The following NCBP2L variants were observed in gnomAD, a reference collection of about 807,000 sequenced individuals.
The protein encoded by NCBP2L is nuclear cap binding protein subunit 2 like.
For missense variants in NCBP2L, 95 were observed against 53.1 expected (o/e 1.79, Z -2.45); for synonymous variants, 39 against 19.2 (o/e 2.04, Z -2.70).
chrX:107,781,692 C>CTCTCTCTCTCTATATATATATATATA (rs1395038482), intron 1 of NCBP2L, among the ~76,000 whole-genome samples: 1 of 66,919 alleles, frequency 1.5e-5, no homozygotes, highest in Non-Finnish European at 2.5e-5. Flanking sequence ...CTCTCTCTCT[C>CTCTCTCTCTCTATATATATATATATA]TATATATATA....
intron 1 of NCBP2L, among the ~76,000 whole-genome samples, chrX:107,783,379 T>A (rs1372984919): frequency 5.8e-5 from 5 of 86,261 alleles, no homozygotes; most frequent in Admixed American, 2.5e-4. Context: ...TTTTTTTTTT[T>A]ATTTTTTATT....
At chrX:107,789,713 A>G (rs959557783) in intron 1 of NCBP2L, among the ~76,000 whole-genome samples, 9 of 110,238 alleles carry the variant, frequency 8.2e-5, no homozygotes, top group African/African-American at 3.0e-4. Flanking sequence ...CTCATGACCT[A>G]CTCCTTGGCT....
chrX:107,779,517 C>A (rs1184618637), intron 1 of NCBP2L, among the ~76,000 whole-genome samples: 6 of 111,924 alleles, frequency 5.4e-5, no homozygotes, highest in Admixed American at 1.9e-4. Context: ...CAACCTCCAC[C>A]TCCCAGGTTC....
chrX:107,783,791 A>G (rs1268178918), intron 1 of NCBP2L, among the ~76,000 whole-genome samples: 1 of 110,656 alleles, frequency 9.0e-6, no homozygotes, highest in East Asian at 2.8e-4. Flanking sequence ...TGTTTCATGG[A>G]GGCCATATAT....
chrX:107,792,902 T>C (rs1232825090), intron 1 of NCBP2L, among the ~76,000 whole-genome samples: 5 of 112,183 alleles, frequency 4.5e-5, no homozygotes, highest in African/African-American at 1.6e-4. Flanking sequence ...TCTAAAATAG[T>C]ATTGATTACA....
intron 1 of NCBP2L, among the ~76,000 whole-genome samples, chrX:107,781,651 C>CTATCATCTATCTATCTATCT (rs1405952181): frequency 1.5e-5 from 1 of 65,221 alleles, no homozygotes; most frequent in African/African-American, 8.4e-5. Flanking sequence ...ATCTATCTAT[C>CTATCATCTATCTATCTATCT]ATCTATCTAT....
chrX:107,779,102 T>C (rs1930232092), intron 1 of NCBP2L, among the ~76,000 whole-genome samples: 1 of 111,838 alleles, frequency 8.9e-6, no homozygotes, highest in Admixed American at 9.5e-5. Flanking sequence ...AGTTCAGTGT[T>C]ACTGGAGAAT....
intron 1 of NCBP2L, among the ~76,000 whole-genome samples, chrX:107,783,375 T>TA (rs1569457421): frequency 1.5e-4 from 13 of 87,551 alleles, no homozygotes; most frequent in African/African-American, 5.3e-4. Context: ...TTTTTTTTTT[T>TA]TTTTATTTTT....
At chrX:107,778,499 A>G (rs1930219890) in intron 1 of NCBP2L, among the ~76,000 whole-genome samples, 1 of 112,934 alleles carries the variant, frequency 8.9e-6, no homozygotes, top group Non-Finnish European at 1.9e-5. Context: ...AGGAGCTGGT[A>G]TGTATTTGCA....
In NCBP2L at chrX:107,787,223, G is replaced by A. The variant is rs1244023819; in HGVS notation, c.-72-6926G>A. On this transcript the variant is annotated intron_variant, in intron 1 of 1. Coordinates refer to ENST00000509000, the MANE Select transcript of NCBP2L (RefSeq NM_001348372.2). The stretch of plus-strand genomic sequence containing the variant: ...ACACTTTGAACAGTAAGGCCATATA[G>A]TGCAAATGATAAACAAAAAAATTCA... Among the ~76,000 whole-genome samples, 3 of 111,780 alleles carry A rather than the reference G, an allele frequency of 2.7e-5. No homozygotes were observed. In the East Asian group the frequency reaches 8.4e-4, roughly 31 times the overall value.
chrX:107,782,209 A>T (rs1164969702), intron 1 of NCBP2L, among the ~76,000 whole-genome samples: 19 of 21,562 alleles, frequency 8.8e-4, no homozygotes, highest in African/African-American at 3.9e-3. Flanking sequence ...ATATATATAT[A>T]AATATATATA....
chrX:107,793,406 C>A (rs773243003), intron 1 of NCBP2L, among the ~76,000 whole-genome samples: 1 of 111,436 alleles, frequency 9.0e-6, no homozygotes, highest in African/African-American at 3.3e-5. Flanking sequence ...ATATATGCCT[C>A]CCTATAATAA....
At chrX:107,778,741 C>T (rs767811119) in intron 1 of NCBP2L, among the ~76,000 whole-genome samples, 1 of 112,512 alleles carries the variant, frequency 8.9e-6, no homozygotes, top group African/African-American at 3.2e-5. Context: ...GTATAAGGGG[C>T]ATCTCTTTCT....
At chrX:107,779,708 G>A (rs985148312) in intron 1 of NCBP2L, among the ~76,000 whole-genome samples, 5 of 106,448 alleles carry the variant, frequency 4.7e-5, no homozygotes, top group Non-Finnish European at 9.6e-5. Flanking sequence ...GATTACAGGC[G>A]TGAGCCACCG....
At position 107,795,301 on chromosome X, in the gene NCBP2L, C is replaced by T. The variant is rs1602440165; in HGVS notation, c.*619C>T. 1 of 111,968 alleles carries T rather than the reference C, an allele frequency of 8.9e-6. No homozygotes were observed. The highest frequency in any genetic ancestry group is 4.6e-3 in the Middle Eastern group (1 of 218). The allele number at this position is 111,968 out of a possible 1,213,427, so 9.2% of individuals were successfully genotyped here. On this transcript the variant is annotated 3_prime_UTR_variant, in exon 2 of 2. Coordinates refer to ENST00000509000, the MANE Select transcript of NCBP2L (RefSeq NM_001348372.2). ...TGACTACTTACTTTCTTTTTAAACG[C>T]TACGTACTGACTTCCTACTTTCAGA... is the stretch of plus-strand genomic sequence containing the variant.
At chrX:107,786,838 A>G (rs1930397067) in intron 1 of NCBP2L, among the ~76,000 whole-genome samples, 2 of 111,975 alleles carry the variant, frequency 1.8e-5, no homozygotes, top group Admixed American at 1.9e-4. Context: ...CCTGTGCTTT[A>G]CAATATATAT....
chrX:107,785,428 GTTT>G (rs951577976), intron 1 of NCBP2L, among the ~76,000 whole-genome samples: 3 of 111,718 alleles, frequency 2.7e-5, no homozygotes, highest in Non-Finnish European at 5.6e-5. Flanking sequence ...GCAAGTTTTA[GTTT>G]TTTGTTGCAA....
intron 1 of NCBP2L, among the ~76,000 whole-genome samples, chrX:107,781,676 A>ATCTATC (rs1380779020): frequency 4.7e-4 from 26 of 55,880 alleles, no homozygotes; most frequent in African/African-American, 2.5e-3. Flanking sequence ...CTATCTATCT[A>ATCTATC]TCTCTCTCTC....
Position 107,788,503 on chromosome X carries a change from T to C in NCBP2L, c.-72-5646T>C, listed in dbSNP as rs185953435. Among the ~76,000 whole-genome samples the C allele has an allele frequency of 5.3e-5, 6 of 112,446 alleles. No individual in the cohort carries two copies. In the Admixed American group the frequency reaches 5.6e-4, roughly 11 times the overall value. On this transcript the variant is annotated intron_variant, in intron 1 of 1. Coordinates refer to ENST00000509000, the MANE Select transcript of NCBP2L (RefSeq NM_001348372.2). ...CTAAACATCCCCAATTTCTAATCAG[T>C]CCTCAGTTACTTCTTGACCCTTCAT...
Sources: gnomAD v4.1 joint callset for allele counts (sites outside exome capture counted in the v4.1 genomes callset) on GRCh38, gnomAD v4.1.1 for gene constraint, MANE v1.5 for transcripts, NCBI Gene and HGNC (gene_info 2026-07-23, HGNC 2026-07-21) for gene names.